The following HDAC9 variants were observed in gnomAD, a reference collection of about 807,000 sequenced individuals.
HDAC9 encodes the protein histone deacetylase 9.
A neutral mutation model predicts 139.4 loss-of-function variants in HDAC9; 41 were observed. The observed-to-expected ratio is 0.29, with a 90% confidence interval of 0.23 to 0.38. The LOEUF (loss-of-function observed/expected upper bound fraction) is 0.38, where lower values mean the gene tolerates loss of function less well. HDAC9 is among the 10% of genes least tolerant of loss of function. The pLI is 1.00. For synonymous variants in HDAC9, 517 were observed against 476.2 expected, an observed-to-expected ratio of 1.09 and a Z score of -1.12; for missense variants, 1,147 against 1,297.0, an observed-to-expected ratio of 0.88 and a Z score of 1.78.
At chr7:18,443,780 TTCTC>T (rs139272150) in intron 1 of HDAC9, among the ~76,000 whole-genome samples, 3 of 151,830 alleles carry the variant, frequency 2.0e-5, no homozygotes, top group African/African-American at 2.4e-5. Context: ...ATTATGTTCT[TTCTC>T]TCCCTCTCTG....
intron 2 of HDAC9, among the ~76,000 whole-genome samples, chr7:18,176,856 T>G (rs537387832): frequency 6.6e-6 from 1 of 152,242 alleles, no homozygotes; most frequent in African/African-American, 2.4e-5. Flanking sequence ...TTTGGCTTTA[T>G]GTTTAAAGTG....
chr7:18,094,192 C>T (rs1379449464), intron 1 of HDAC9, among the ~76,000 whole-genome samples: 2 of 152,208 alleles, frequency 1.3e-5, no homozygotes, highest in Non-Finnish European at 2.9e-5. Context: ...GGTGTCCACC[C>T]TTCTAGAATA....
chr7:18,310,884 G>A (rs1450477520), intron 1 of HDAC9, among the ~76,000 whole-genome samples: 1 of 151,438 alleles, frequency 6.6e-6, no homozygotes, highest in African/African-American at 2.4e-5. Context: ...GCTAAATTCA[G>A]TGTCTTTCTG....
At chr7:18,315,873 CT>C (rs1279026539) in intron 1 of HDAC9, among the ~76,000 whole-genome samples, 2 of 152,308 alleles carry the variant, frequency 1.3e-5, no homozygotes, top group South Asian at 2.1e-4. Context: ...GAAGAGAGTC[CT>C]TTAGAGACTG....
chr7:18,100,820 A>G (rs1334217430), intron 1 of HDAC9, among the ~76,000 whole-genome samples: 1 of 152,090 alleles, frequency 6.6e-6, no homozygotes, highest in Non-Finnish European at 1.5e-5. Context: ...GACATCGTGA[A>G]TTGTAGGGTG....
At chr7:18,136,089 T>C (rs374621097) in intron 1 of HDAC9, among the ~76,000 whole-genome samples, 14 of 150,044 alleles carry the variant, frequency 9.3e-5, no homozygotes, top group East Asian at 5.8e-4. Context: ...TTTTTGGCTG[T>C]ATAAATGTCT....
At chr7:18,908,581 T>C (rs1039307145) in intron 22 of HDAC9, among the ~76,000 whole-genome samples, 1 of 152,058 alleles carries the variant, frequency 6.6e-6, no homozygotes, top group African/African-American at 2.4e-5. Flanking sequence ...TAAACACTAT[T>C]CTACTCTCTA....
At chr7:18,398,938 G>C (rs746253839) in intron 1 of HDAC9, among the ~76,000 whole-genome samples, 1 of 151,980 alleles carries the variant, frequency 6.6e-6, no homozygotes, top group Non-Finnish European at 1.5e-5. Flanking sequence ...ACAGGAGAAA[G>C]GTGTATAATA....
At chr7:18,411,269 C>T (rs556758887) in intron 1 of HDAC9, among the ~76,000 whole-genome samples, 44 of 152,154 alleles carry the variant, frequency 2.9e-4, no homozygotes, top group African/African-American at 9.4e-4. Flanking sequence ...TTTGACTTTA[C>T]GGTGGTACAA....
chr7:18,185,922 G>T (rs7778462), intron 2 of HDAC9, among the ~76,000 whole-genome samples: 2 of 151,872 alleles, frequency 1.3e-5, no homozygotes, highest in Non-Finnish European at 2.9e-5. Context: ...GGCCTATGTT[G>T]CTTTTTCTGT....
At chr7:18,312,154 T>C (rs1051429188) in intron 1 of HDAC9, among the ~76,000 whole-genome samples, 4 of 152,214 alleles carry the variant, frequency 2.6e-5, no homozygotes, top group Non-Finnish European at 5.9e-5. Context: ...CACAGACATA[T>C]TCTTTCCCTG....
intron 11 of HDAC9, among the ~76,000 whole-genome samples, chr7:18,656,033 G>A (rs943898563): frequency 2.7e-5 from 4 of 150,682 alleles, no homozygotes; most frequent in Admixed American, 6.6e-5. Context: ...AAAACTGCCA[G>A]TGGGTAGCAG....
At chr7:18,557,156 A>T (rs948180733) in intron 2 of HDAC9, among the ~76,000 whole-genome samples, 1 of 151,980 alleles carries the variant, frequency 6.6e-6, no homozygotes, top group South Asian at 2.1e-4. Context: ...CAGGAATTGT[A>T]TGATTGTGGT....
chr7:18,781,164 G>C (rs1288595965), intron 16 of HDAC9, among the ~76,000 whole-genome samples: 1 of 151,836 alleles, frequency 6.6e-6, no homozygotes, highest in Non-Finnish European at 1.5e-5. Flanking sequence ...TTTTGTATTA[G>C]GGCCCCACCC....
rs1789446786 is a variant in HDAC9 at position 18,762,167 on chromosome 7, G to T, written c.2054G>T (p.Gly685Val). Residue 685 changes from glycine to valine, a missense_variant, in exon 15 of 26, where the codon GGT becomes GTT. By Grantham distance (109) the Gly-to-Val change is moderately radical. Coordinates refer to ENST00000686413, the MANE Select transcript of HDAC9 (RefSeq NM_178425.4). Reference sequence around the variant, plus strand: ...GCTATTTTCTTGCAGCGAATTCAAGGTCGAAAAGCCAGCCTGGAGGAAATA... The same window carrying T: ...GCTATTTTCTTGCAGCGAATTCAAGTTCGAAAAGCCAGCCTGGAGGAAATA... ...GLLNKCERIQGRKASLEEIQL... is the reference protein window; with the variant it reads ...GLLNKCERIQVRKASLEEIQL... 1.2e-6 allele frequency: 2 copies of T among 1,613,370 alleles called. No individual in the cohort carries two copies. Among genetic ancestry groups the T allele is most frequent in the African/African-American group, 1.3e-5 (1 of 74,844 alleles).
chr7:18,412,933 G>A (rs1164035826), intron 1 of HDAC9, among the ~76,000 whole-genome samples: 2 of 152,138 alleles, frequency 1.3e-5, no homozygotes, highest in African/African-American at 4.8e-5. Context: ...TTAGAAATTA[G>A]TGGAATATGA....
intron 8 of HDAC9, among the ~76,000 whole-genome samples, chr7:18,636,489 C>A (rs1038235858): frequency 5.3e-5 from 8 of 152,034 alleles, no homozygotes; most frequent in African/African-American, 1.9e-4. Context: ...AAAAACTCCC[C>A]TGGAGGAATA....
At chr7:18,453,503 A>G (rs997500095) in intron 1 of HDAC9, among the ~76,000 whole-genome samples, 3 of 152,206 alleles carry the variant, frequency 2.0e-5, no homozygotes, top group African/African-American at 4.8e-5. Flanking sequence ...TATGTTAAGA[A>G]AGAGGCTGAG....
At chr7:18,378,983 A>G (rs1346290020) in intron 1 of HDAC9, among the ~76,000 whole-genome samples, 2 of 152,184 alleles carry the variant, frequency 1.3e-5, no homozygotes, top group Non-Finnish European at 2.9e-5. Flanking sequence ...AAATAAAACC[A>G]AAGTTTGCTT....
Sources: gnomAD v4.1 joint callset for allele counts (sites outside exome capture counted in the v4.1 genomes callset) on GRCh38, gnomAD v4.1.1 for gene constraint, MANE v1.5 for transcripts, NCBI Gene and HGNC (gene_info 2026-07-23, HGNC 2026-07-21) for gene names.